CARMIL2: variants seen among roughly 807,000 people sequenced by gnomAD.
CARMIL2 encodes the protein capping protein, Arp2/3 and myosin-I linker protein 2.
Under a neutral mutation model 173.3 loss-of-function variants are expected in CARMIL2, and 96 were observed. The ratio of observed to expected loss-of-function variants is 0.55; its 90% CI spans 0.47 to 0.66. CARMIL2 has a LOEUF of 0.66. Ranked by LOEUF, CARMIL2 falls within the 30% of genes least tolerant of loss-of-function variation. The pLI is 0.00. For synonymous variants in CARMIL2, 830 were observed against 817.1 expected, an observed-to-expected ratio of 1.02 and a Z score of -0.27; for missense variants, 1,771 against 1,906.7, an observed-to-expected ratio of 0.93 and a Z score of 1.33.
At position 67,648,164 on chromosome 16, in the gene CARMIL2, G is replaced by A. The variant is rs1334240072; in HGVS notation, c.1184G>A (p.Gly395Asp). ...RGCSVGGWMT[G>D]RADWRAGRGG... is the part of the protein sequence containing the mutation. ...TGCTCCGTGGGGGGATGGATGACCG[G>A]CAGGGCGGACTGGAGGGCGGGACGG... Residue 395 changes from glycine (G) to aspartate (D), a missense_variant, in exon 14 of 38, where the codon GGC becomes GAC. Gly to Asp is a moderately conservative substitution (Grantham distance 94). Around this residue, in one of 3 missense-constraint regions of CARMIL2, gnomAD observed 944 missense variants for 975.6 expected, o/e 0.97. Transcript: ENST00000334583. This position sits in a 1 kb window ranked among gnomAD's most constrained non-coding sequence, Gnocchi z 6.1. 3 of 1,610,992 alleles carry A rather than the reference G, an allele frequency of 1.9e-6. No individual in the cohort carries two copies. Among genetic ancestry groups the A allele is most frequent in the Non-Finnish European group, 8.5e-7 (1 of 1,178,678 alleles).
intron 1 of CARMIL2, 106 bp from the exon 2 acceptor site, chr16:67,645,434 C>T: frequency 7.3e-7 from 1 of 1,369,924 alleles, no homozygotes; most frequent in Non-Finnish European, 1.0e-6. Flanking sequence ...CCCCTCCTTC[C>T]TCGCTGGCCG....
In CARMIL2 at chr16:67,646,816, A is replaced by T. The variant is rs748838540; in HGVS notation, c.537+32A>T. The T allele has an allele frequency of 6.2e-7, 1 of 1,612,566 alleles. No homozygotes were observed. The highest frequency in any genetic ancestry group is 8.5e-7 in the Non-Finnish European group (1 of 1,178,768). ...GTAGGGCCCTTTTGAAGGGCTCTGG[A>T]GACATCTGGTCCCCCATGTGTGCTG... On this transcript the variant is annotated intron_variant, in intron 7 of 37. Transcript: ENST00000334583. The surrounding 1 kb of genome is among the most constrained non-coding windows in gnomAD (Gnocchi z 4.6).
Position 67,646,524 on chromosome 16 carries a change from G to T in CARMIL2, c.466+7G>T, listed in dbSNP as rs1470290896. 4 of 1,612,092 alleles carry T rather than the reference G, an allele frequency of 2.5e-6. No individual in the cohort carries two copies. Among genetic ancestry groups the T allele is most frequent in the Non-Finnish European group, 3.4e-6 (4 of 1,179,276 alleles). ...GACCCCTGCAGCCCCTGTGGTAAGG[G>T]TGAAGGCAGAGCCACAGGCCTTCCA... On this transcript the variant is annotated splice_region_variant and intron_variant, in intron 6 of 37. Transcript: ENST00000334583. The surrounding 1 kb of genome is among the most constrained non-coding windows in gnomAD (Gnocchi z 4.6).
Position 67,657,225 on chromosome 16 carries a change from T to G in CARMIL2, c.4118-14T>G. ...GCCTTAGCAACCCACCCCAAGCCTTTCTGTGTCCCTTAGAACGGCCCCTGA... is the reference window on the plus strand; with the variant it reads ...GCCTTAGCAACCCACCCCAAGCCTTGCTGTGTCCCTTAGAACGGCCCCTGA... On this transcript the variant is annotated splice_polypyrimidine_tract_variant and intron_variant, in intron 36 of 37. Transcript: ENST00000334583. The surrounding 1 kb of genome is among the most constrained non-coding windows in gnomAD (Gnocchi z 4.5). 1.2e-6 allele frequency: 2 copies of G among 1,613,000 alleles called. No homozygotes were observed. The highest frequency in any genetic ancestry group is 1.7e-6 in the Non-Finnish European group (2 of 1,179,432).
At position 67,646,035 on chromosome 16, in the gene CARMIL2, C is replaced by G. The variant is rs2052586720; in HGVS notation, c.204C>G (p.Ser68Arg). 1 of 1,613,702 alleles carries G rather than the reference C, an allele frequency of 6.2e-7. No homozygotes were observed. Among genetic ancestry groups the G allele is most frequent in the Non-Finnish European group, 8.5e-7 (1 of 1,179,900 alleles). The change falls in exon 4 of 38, where the codon AGC (serine) becomes AGG (arginine). Residue 68 changes from serine to arginine, a missense_variant. Ser to Arg is a moderately radical substitution (Grantham distance 110). This residue lies in a region of CARMIL2 where 944 missense variants were observed against 975.6 expected (regional missense o/e 0.97). Coordinates refer to ENST00000334583, the MANE Select transcript of CARMIL2 (RefSeq NM_001013838.3). The surrounding 1 kb of genome is among the most constrained non-coding windows in gnomAD (Gnocchi z 4.6). ...CTTTCTAGGTGGACTGCACGTTCAG[C>G]TACCTGGAGGTCCAGGCCATGGCGC... ...CLPLRVDCTF[S>R]YLEVQAMALQ...
At position 67,648,462 on chromosome 16, in the gene CARMIL2, C is replaced by G; in HGVS notation, c.1399C>G (p.Leu467Val). The G allele has an allele frequency of 6.9e-7, 1 of 1,445,428 alleles. No homozygotes were observed. Among genetic ancestry groups the G allele is most frequent in the Non-Finnish European group, 9.0e-7 (1 of 1,108,530 alleles). 89.5% of individuals were successfully genotyped at this position (1,445,428 alleles called of 1,614,324 possible). The change falls in exon 15 of 38, where the codon CTG becomes GTG. Residue 467 changes from leucine to valine, a missense_variant. Physicochemically the swap from Leu to Val is conservative, Grantham distance 32 (BLOSUM62 1). Around this residue, in one of 3 missense-constraint regions of CARMIL2, gnomAD observed 944 missense variants for 975.6 expected, o/e 0.97. Coordinates refer to ENST00000334583, the MANE Select transcript of CARMIL2 (RefSeq NM_001013838.3). The surrounding 1 kb of genome is among the most constrained non-coding windows in gnomAD (Gnocchi z 6.1). ...CAGCCGCGCGCGGACGCTGCGGCACCTGGGCCTGGCGGGCTGCAAGCTGCC... is the reference window on the plus strand; with the variant it reads ...CAGCCGCGCGCGGACGCTGCGGCACGTGGGCCTGGCGGGCTGCAAGCTGCC... ...FLSRARTLRH[L>V]GLAGCKLPPD...
rs1432048295 is a variant in CARMIL2, at chr16:67,646,820, A to T, written c.537+36A>T. On this transcript the variant is annotated intron_variant, in intron 7 of 37. Transcript: ENST00000334583. The surrounding 1 kb of genome is among the most constrained non-coding windows in gnomAD (Gnocchi z 4.6). ...GGCCCTTTTGAAGGGCTCTGGAGAC[A>T]TCTGGTCCCCCATGTGTGCTGAGCC... is the stretch of plus-strand genomic sequence containing the variant. 1 of 1,612,738 alleles carries T rather than the reference A, an allele frequency of 6.2e-7. No individual in the cohort carries two copies. Among genetic ancestry groups the T allele is most frequent in the South Asian group, 1.1e-5 (1 of 91,064 alleles).
chr16:67,656,029 A>C lies in CARMIL2; in HGVS notation c.3706-2A>C. On this transcript the variant is annotated splice_acceptor_variant, in intron 32 of 37. Coordinates refer to ENST00000334583, the MANE Select transcript of CARMIL2 (RefSeq NM_001013838.3). LOFTEE classifies it high-confidence loss of function. ...GGAATCTGATTGCCCTGTTTCCTGCAGAGCAAAGATGGCGAGATCAAGAAA... is the reference window on the plus strand; with the variant it reads ...GGAATCTGATTGCCCTGTTTCCTGCCGAGCAAAGATGGCGAGATCAAGAAA... 1.3e-6 allele frequency: 2 copies of C among 1,593,696 alleles called. No individual in the cohort carries two copies. The highest frequency in any genetic ancestry group is 1.7e-6 in the Non-Finnish European group (2 of 1,170,218).
Position 67,646,913 on chromosome 16 carries a change from T to C in CARMIL2, c.551T>C (p.Ile184Thr). The change falls in exon 8 of 38, where the codon ATT becomes ACT. Residue 184 changes from isoleucine (I) to threonine (T), a missense_variant. Ile to Thr is a moderately conservative substitution (Grantham distance 89, BLOSUM62 -1). Around this residue, in one of 3 missense-constraint regions of CARMIL2, gnomAD observed 944 missense variants for 975.6 expected, o/e 0.97. Coordinates refer to ENST00000334583, the MANE Select transcript of CARMIL2 (RefSeq NM_001013838.3). The surrounding 1 kb of genome is among the most constrained non-coding windows in gnomAD (Gnocchi z 4.6). ...CTTCTCACCCAGGACGTGGACACCA[T>C]TTACCATCGCCAGGGCTGCCGCCAT... ...REEIQWDVDT[I>T]YHRQGCRHFS... is the part of the protein sequence containing the mutation. 1 of 1,613,674 alleles carries C rather than the reference T, an allele frequency of 6.2e-7. No homozygotes were observed. The highest frequency in any genetic ancestry group is 1.1e-5 in the South Asian group (1 of 91,086).
intron 1 of CARMIL2, 58 bp from the exon 2 acceptor site, chr16:67,645,481 TG>T (rs2052575646): frequency 1.4e-6 from 2 of 1,459,266 alleles, no homozygotes. Flanking sequence ...GCACAGACTG[TG>T]GGCACCAGTG....
Position 67,651,478 on chromosome 16 carries a change from G to C in CARMIL2, c.2391G>C (p.Leu797=). The change falls in exon 24 of 38, where the codon CTG becomes CTC. Residue 797 remains leucine, a synonymous_variant. Coordinates refer to ENST00000334583, the MANE Select transcript of CARMIL2 (RefSeq NM_001013838.3). The surrounding 1 kb of genome is among the most constrained non-coding windows in gnomAD (Gnocchi z 4.2). ...WQLGQKLEGL[L]RQVGEVCRQD... ...TTGGGCAGAAGCTGGAGGGCCTTCT[G>C]AGACAGGTGGGCGAGGTCTGCCGCC... 1 of 1,598,858 alleles carries C rather than the reference G, an allele frequency of 6.3e-7. No individual in the cohort carries two copies. Among genetic ancestry groups the C allele is most frequent in the Non-Finnish European group, 8.5e-7 (1 of 1,171,640 alleles).
chr16:67,650,029 T>G lies in CARMIL2; in HGVS notation c.2083-20T>G. 1 of 1,613,622 alleles carries G rather than the reference T, an allele frequency of 6.2e-7. No individual in the cohort carries two copies. ...CGGTAACTCCGTCCCTCGGCATTTC[T>G]CAATACCCCTTGCCCCTAGATCCAA... is the stretch of plus-strand genomic sequence containing the variant. On this transcript the variant is annotated intron_variant, in intron 21 of 37. Coordinates refer to ENST00000334583, the MANE Select transcript of CARMIL2 (RefSeq NM_001013838.3).
chr16:67,657,022 G>C lies in CARMIL2; in HGVS notation c.4117+141G>C. 2.5e-6 allele frequency: 2 copies of C among 796,978 alleles called. No individual in the cohort carries two copies. The highest frequency in any genetic ancestry group is 2.0e-6 in the Non-Finnish European group (1 of 503,492). 49.4% of individuals were successfully genotyped at this position (796,978 alleles called of 1,614,324 possible). On this transcript the variant is annotated intron_variant, in intron 36 of 37. Transcript: ENST00000334583. This position sits in a 1 kb window ranked among gnomAD's most constrained non-coding sequence, Gnocchi z 4.5. ...AGAAATCAGGGAGCCAGAAGACCAGGTGCAAGGGTTTGACAGCAAGCCCTT... is the reference window on the plus strand; with the variant it reads ...AGAAATCAGGGAGCCAGAAGACCAGCTGCAAGGGTTTGACAGCAAGCCCTT...
rs1206764306 is a variant in CARMIL2, at chr16:67,649,734, G to A, written c.1920-72G>A. The A allele has an allele frequency of 1.3e-6, 2 of 1,575,352 alleles. No individual in the cohort carries two copies. The highest frequency in any genetic ancestry group is 1.7e-6 in the Non-Finnish European group (2 of 1,159,172). ...AGCAAATGGAGCAGGCTGACGAGGC[G>A]AATGGACTAGGCCGAGGGTTGGGTG... On this transcript the variant is annotated intron_variant, in intron 20 of 37. Coordinates refer to ENST00000334583, the MANE Select transcript of CARMIL2 (RefSeq NM_001013838.3). This position sits in a 1 kb window ranked among gnomAD's most constrained non-coding sequence, Gnocchi z 6.7.
rs757752493 is a variant in CARMIL2, at chr16:67,651,444, A to G, written c.2357A>G (p.His786Arg). The G allele has an allele frequency of 1.3e-6, 2 of 1,597,300 alleles. No individual in the cohort carries two copies. The highest frequency in any genetic ancestry group is 3.4e-5 in the Admixed American group (2 of 58,508). Reference protein sequence around the residue: ...LYEAGSSPSHHWQLGQKLEGL... With the variant: ...LYEAGSSPSHRWQLGQKLEGL... ...GAAGCTGGAAGCTCCCCAAGCCATC[A>G]CTGGCAGCTTGGGCAGAAGCTGGAG... The change falls in exon 24 of 38, where the codon CAC becomes CGC. Residue 786 changes from histidine (H) to arginine (R), a missense_variant. By Grantham distance (29) the His-to-Arg change is conservative. Around this residue, in one of 3 missense-constraint regions of CARMIL2, gnomAD observed 817 missense variants for 903.5 expected, o/e 0.90. Transcript: ENST00000334583. This position sits in a 1 kb window ranked among gnomAD's most constrained non-coding sequence, Gnocchi z 4.2.
chr16:67,652,481 C>A lies in CARMIL2; in HGVS notation c.2827C>A (p.Pro943Thr), dbSNP rs745738055. ...KEEEKEKDDS[P>T]PQKWPELSHG... ...GTGCCCTCCCCACCAGGATGACAGT[C>A]CTCCACAGAAATGGCCTGAGCTCAG... The change falls in exon 28 of 38, where the codon CCT (proline) becomes ACT (threonine). Residue 943 changes from proline to threonine, a missense_variant. Coordinates refer to ENST00000334583, the MANE Select transcript of CARMIL2 (RefSeq NM_001013838.3). This position sits in a 1 kb window ranked among gnomAD's most constrained non-coding sequence, Gnocchi z 4.7. The A allele has an allele frequency of 1.2e-6, 2 of 1,613,518 alleles. No homozygotes were observed. The highest frequency in any genetic ancestry group is 1.3e-5 in the African/African-American group (1 of 74,910).
rs2052878282 is a variant in CARMIL2, at chr16:67,657,127, C to T, written c.4118-112C>T. On this transcript the variant is annotated intron_variant, in intron 36 of 37. Coordinates refer to ENST00000334583, the MANE Select transcript of CARMIL2 (RefSeq NM_001013838.3). The surrounding 1 kb of genome is among the most constrained non-coding windows in gnomAD (Gnocchi z 4.5). ...GCAGGGACGGGGGATGCTCTGAAGG[C>T]AGCAGTGTGTGTGAGTGCATGCTTA... 1.0e-6 allele frequency: 1 copy of T among 986,650 alleles called. No individual in the cohort carries two copies. Among genetic ancestry groups the T allele is most frequent in the Non-Finnish European group, 1.6e-6 (1 of 644,948 alleles). 61.1% of individuals were successfully genotyped at this position (986,650 alleles called of 1,614,324 possible).
At chr16:67,656,105 G>A in intron 33 of CARMIL2, 38 bp downstream of exon 33, 2 of 1,610,260 alleles carry the variant, frequency 1.2e-6, no homozygotes. Context: ...ACATTTGCCA[G>A]GAGGTGTCCT....
rs2052645507 is a variant in CARMIL2, at chr16:67,648,487, C to G, written c.1424C>G (p.Pro475Arg). ...CTGGGCCTGGCGGGCTGCAAGCTGC[C>G]GCCCGACGCGCTCAGGTCAGTGTCG... is the stretch of plus-strand genomic sequence containing the variant. The part of the protein sequence containing the change: ...RHLGLAGCKL[P>R]PDALRALLDG... The change falls in exon 15 of 38, where the codon CCG becomes CGG. Residue 475 changes from proline to arginine, a missense_variant. This residue lies in a region of CARMIL2 where 944 missense variants were observed against 975.6 expected (regional missense o/e 0.97). Coordinates refer to ENST00000334583, the MANE Select transcript of CARMIL2 (RefSeq NM_001013838.3). This position sits in a 1 kb window ranked among gnomAD's most constrained non-coding sequence, Gnocchi z 6.1. 6.3e-6 allele frequency: 9 copies of G among 1,435,050 alleles called. No homozygotes were observed. Among genetic ancestry groups the G allele is most frequent in the Admixed American group, 3.0e-5 (1 of 33,040 alleles). The allele number at this position is 1,435,050 out of a possible 1,614,324, so 88.9% of individuals were successfully genotyped here.
Sources: gnomAD v4.1 joint callset for allele counts on GRCh38, gnomAD v4.1.1 for gene constraint, gnomAD v4.1.1 regional missense constraint, Gnocchi (gnomAD v3.1) non-coding constraint, MANE v1.5 for transcripts, NCBI Gene and HGNC (gene_info 2026-07-23, HGNC 2026-07-21) for gene names.